The following FGF13 variants were observed in gnomAD, a reference collection of about 807,000 sequenced individuals.
FGF13 encodes fibroblast growth factor 13, also known as fibroblast growth factor homologous factor 2.
In FGF13, 2 loss-of-function variants were observed where a neutral mutation model predicts 19.5. That is an observed-to-expected ratio of 0.10 (90% confidence interval 0.04 to 0.32). The LOEUF is 0.32. Among genes scored for constraint, FGF13 ranks in the 10% least tolerant of loss-of-function variants. The pLI, the probability that FGF13 is intolerant of heterozygous loss-of-function variation, is 1.00. For missense variants in FGF13, 113 were observed against 192.7 expected (o/e 0.59, Z 2.45); for synonymous variants, 72 against 76.9 (o/e 0.94, Z 0.33).
intron 1 of FGF13, among the ~76,000 whole-genome samples, chrX:139,129,154 TACACACACACAC>T (rs753541740): frequency 3.2e-5 from 3 of 93,062 alleles, no homozygotes; most frequent in Non-Finnish European, 6.3e-5. Context: ...CATACACACA[TACACACACACAC>T]ACACACACAC....
At chrX:138,992,958 A>G (rs2092023932) in intron 1 of FGF13, among the ~76,000 whole-genome samples, 1 of 112,220 alleles carries the variant, frequency 8.9e-6, no homozygotes, top group South Asian at 3.7e-4. Flanking sequence ...GTAAGGAGAC[A>G]TAGAGAAATT....
chrX:138,774,015 C>T (rs752516310), intron 3 of FGF13, among the ~76,000 whole-genome samples: 1 of 111,584 alleles, frequency 9.0e-6, no homozygotes, highest in South Asian at 3.8e-4. Context: ...CCAATGACAA[C>T]AGTCTTACTG....
Position 138,919,564 on chromosome X carries a change from A to G in FGF13, c.-112-54914T>C, listed in dbSNP as rs142961648. On this transcript the variant is annotated intron_variant, in intron 1 of 2. Coordinates refer to the FGF13 transcript ENST00000421460. ...TAAACCGACACAACTGCATGCAACA[A>G]CTTGGATACATCTGAAGGAAATTGT... Among the ~76,000 whole-genome samples the G allele has an allele frequency of 8.2e-3, 919 of 112,105 alleles. 14 individuals carry two copies. The highest frequency in any genetic ancestry group is 0.029 in the African/African-American group (881 of 30,887).
intron 3 of FGF13, among the ~76,000 whole-genome samples, chrX:138,676,675 G>A (rs757720088): frequency 2.2e-4 from 25 of 111,414 alleles, no homozygotes; most frequent in Non-Finnish European, 3.4e-4. Flanking sequence ...TCAGGCATTC[G>A]ATTCTCATAA....
chrX:138,988,297 A>G (rs1010467836), intron 1 of FGF13, among the ~76,000 whole-genome samples: 1 of 112,409 alleles, frequency 8.9e-6, no homozygotes, highest in African/African-American at 3.2e-5. Flanking sequence ...TGCATTTGGC[A>G]CTTAAGTCAG....
intron 1 of FGF13, among the ~76,000 whole-genome samples, chrX:138,942,869 GTTTT>G (rs1265888884): frequency 1.8e-5 from 2 of 111,189 alleles, no homozygotes; most frequent in African/African-American, 6.5e-5. Context: ...TTGTTTGTTT[GTTTT>G]GCCATTTAAC....
At chrX:139,158,003 G>A (rs1230497824) in intron 1 of FGF13, among the ~76,000 whole-genome samples, 2 of 112,029 alleles carry the variant, frequency 1.8e-5, no homozygotes, top group African/African-American at 6.5e-5. Context: ...AAGTGCAAGG[G>A]GGCGGGAAAC....
intron 3 of FGF13, among the ~76,000 whole-genome samples, chrX:138,827,276 A>C: frequency 8.9e-6 from 1 of 112,128 alleles, no homozygotes; most frequent in East Asian, 2.8e-4. Flanking sequence ...AAGAGAGTGA[A>C]AGAATGTTGA....
chrX:138,882,443 T>G (rs993290862), intron 1 of FGF13, among the ~76,000 whole-genome samples: 1 of 111,994 alleles, frequency 8.9e-6, no homozygotes, highest in African/African-American at 3.2e-5. Context: ...GAGAAGAAGT[T>G]TGGCATTATC....
intron 3 of FGF13, among the ~76,000 whole-genome samples, chrX:138,665,104 A>T (rs749645180): frequency 2.7e-5 from 3 of 110,501 alleles, no homozygotes; most frequent in South Asian, 7.8e-4. Context: ...TGGAGAGTAG[A>T]TTATATCCCA....
At chrX:138,815,483 C>T (rs181890917) in intron 3 of FGF13, among the ~76,000 whole-genome samples, 65 of 108,578 alleles carry the variant, frequency 6.0e-4, no homozygotes, top group Non-Finnish European at 7.7e-4. Context: ...AAAAAAGCTG[C>T]GGGAAAAAAT....
chrX:138,721,822 CAT>C (rs1264405548), intron 1 of FGF13, among the ~76,000 whole-genome samples: 4 of 110,056 alleles, frequency 3.6e-5, no homozygotes, highest in Admixed American at 9.8e-5. Context: ...TATATACACA[CAT>C]ATATTAAATA....
Position 138,616,273 on chromosome X carries a change from T to G in FGF13, c.*16577A>C, listed in dbSNP as rs1392383702. ...ATACAATGGGGGTACAGGAATTGAG[T>G]AAAAATACCCATTCCAAATGGGAGA... On this transcript the variant is annotated 3_prime_UTR_variant, in exon 5 of 5. Transcript: ENST00000315930. 8.9e-6 allele frequency: 1 copy of G among 111,961 alleles called. No homozygotes were observed. The highest frequency in any genetic ancestry group is 1.9e-5 in the Non-Finnish European group (1 of 53,163). The allele number at this position is 111,961 out of a possible 1,213,427, so 9.2% of individuals were successfully genotyped here.
intron 1 of FGF13, among the ~76,000 whole-genome samples, chrX:138,887,244 G>T (rs758376198): frequency 1.5e-3 from 166 of 111,958 alleles, no homozygotes; most frequent in African/African-American, 5.2e-3. Flanking sequence ...TATGAAATGT[G>T]TACAATGTCT....
intron 3 of FGF13, among the ~76,000 whole-genome samples, chrX:138,820,989 C>T (rs1416759079): frequency 9.0e-6 from 1 of 111,453 alleles, no homozygotes; most frequent in African/African-American, 3.3e-5. Context: ...TTGGGCATTG[C>T]ATTTCACTCA....
intron 1 of FGF13, among the ~76,000 whole-genome samples, chrX:139,000,856 A>G (rs2092069839): frequency 8.9e-6 from 1 of 112,029 alleles, no homozygotes; most frequent in African/African-American, 3.3e-5. Flanking sequence ...ATATGGAACC[A>G]AAAAGAGCCC....
Position 138,827,881 on chromosome X carries a change from T to A in FGF13, c.217+29631A>T, listed in dbSNP as rs1385182479. 1.3e-4 allele frequency among the ~76,000 whole-genome samples: 15 copies of A among 112,217 alleles called. No individual in the cohort carries two copies. The Admixed American group carries it at 1.4e-3, about 11-fold the overall frequency. Reference sequence around the variant, plus strand: ...CCTCAAGACAACTCTGTAAGTTGAATCTTATCATTGTCTCTATTTTATGCT... The same window carrying A: ...CCTCAAGACAACTCTGTAAGTTGAAACTTATCATTGTCTCTATTTTATGCT... On this transcript the variant is annotated intron_variant, in intron 3 of 6. Transcript: ENST00000436198.
chrX:138,886,689 T>C (rs956981451), intron 1 of FGF13, among the ~76,000 whole-genome samples: 1 of 112,045 alleles, frequency 8.9e-6, no homozygotes, highest in East Asian at 2.8e-4. Flanking sequence ...CTGTAAACAA[T>C]AATACACATG....
intron 1 of FGF13, among the ~76,000 whole-genome samples, chrX:139,100,037 A>AGC (rs2083497821): frequency 4.3e-5 from 2 of 46,282 alleles, no homozygotes; most frequent in Non-Finnish European, 8.1e-5. Context: ...TACTGGGGAA[A>AGC]GCAAACACAC....
Sources: allele counts gnomAD v4.1 joint callset (sites outside exome capture counted in the v4.1 genomes callset), GRCh38; gene constraint gnomAD v4.1.1; transcripts MANE v1.5; gene names NCBI Gene and HGNC (gene_info 2026-07-23, HGNC 2026-07-21).